Variants in KRTAP9-3 observed in about 807,000 individuals in gnomAD.
KRTAP9-3 encodes the protein keratin associated protein 9-3, also known as keratin-associated protein 9-3.
In KRTAP9-3, 12 loss-of-function variants were observed where a neutral mutation model predicts 13.0. That is an observed-to-expected ratio of 0.93 (90% CI 0.59 to 1.50). The LOEUF (loss-of-function observed/expected upper bound fraction) is 1.50, where lower values mean the gene tolerates loss of function less well. KRTAP9-3 is among the 40% of genes most tolerant of loss of function. The pLI, the probability that KRTAP9-3 is intolerant of heterozygous loss-of-function variation, is 0.00. For synonymous variants in KRTAP9-3, 89 were observed against 68.7 expected, an observed-to-expected ratio of 1.29 and a Z score of -1.46; for missense variants, 232 against 195.2, an observed-to-expected ratio of 1.19 and a Z score of -1.12.
In KRTAP9-3 at chr17:41,232,557, G is replaced by T. The variant is rs761699646; in HGVS notation, c.56G>T (p.Trp19Leu). The part of the protein sequence containing the change: ...CQPTCCRTTC[W>L]QPTTVTTCSS... ...CCTACCTGCTGCAGGACCACCTGCT[G>T]GCAGCCCACCACTGTGACCACCTGC... Residue 19 changes from tryptophan to leucine, a missense_variant, in exon 1 of 1, where the codon TGG becomes TTG. Trp to Leu is a moderately conservative substitution (Grantham distance 61, BLOSUM62 -2). Transcript: ENST00000411528. 1 of 1,603,520 alleles carries T rather than the reference G, an allele frequency of 6.2e-7. No homozygotes were observed. Among genetic ancestry groups the T allele is most frequent in the East Asian group, 2.2e-5 (1 of 44,816 alleles).
chr17:41,232,618 T>G lies in KRTAP9-3; in HGVS notation c.117T>G (p.Val39=), dbSNP rs551188052. 146 of 1,603,036 alleles carry G rather than the reference T, an allele frequency of 9.1e-5. No homozygotes were observed. Among genetic ancestry groups the G allele is most frequent in the Middle Eastern group, 5.1e-4 (3 of 5,868 alleles). Residue 39 remains valine (V), a synonymous_variant, in exon 1 of 1, where the codon GTT becomes GTG. Coordinates refer to ENST00000411528, the MANE Select transcript of KRTAP9-3 (RefSeq NM_031962.3). ...CCTGCTGTCAGCCCTCCTGCTGTGT[T>G]TCCAGCTGCTGCCAGCCTTGCTGCC... ...STPCCQPSCC[V]SSCCQPCCHP... is the part of the protein sequence containing the mutation.
rs762665689 is a variant in KRTAP9-3 at position 41,232,475 on chromosome 17, A to C, written c.-27A>C. The C allele has an allele frequency of 6.2e-7, 1 of 1,602,144 alleles. No homozygotes were observed. The highest frequency in any genetic ancestry group is 1.1e-5 in the South Asian group (1 of 90,612). ...GATTTTGGGAAACTCACCTCTTAAC[A>C]GAAGCCCACCCTCCATCCCTGACAC... On this transcript the variant is annotated 5_prime_UTR_variant, in exon 1 of 1. Transcript: ENST00000411528.
At position 41,232,795 on chromosome 17, in the gene KRTAP9-3, T is replaced by C; in HGVS notation, c.294T>C (p.Pro98=). Residue 98 remains proline, a synonymous_variant, in exon 1 of 1, where the codon CCT becomes CCC. Transcript: ENST00000411528. ...GTGGTCAGAGCAGCTCCTGTGCACC[T>C]GTGTACTGCAGAAGAACCTGCTACC... is the stretch of plus-strand genomic sequence containing the variant. ...SSCGQSSSCA[P]VYCRRTCYHP... is the part of the protein sequence containing the mutation. The C allele has an allele frequency of 6.2e-7, 1 of 1,608,162 alleles. No individual in the cohort carries two copies. Among genetic ancestry groups the C allele is most frequent in the South Asian group, 1.1e-5 (1 of 91,064 alleles).
At position 41,233,151 on chromosome 17, in the gene KRTAP9-3, T is replaced by C; in HGVS notation, c.*170T>C. 1 of 1,109,000 alleles carries C rather than the reference T, an allele frequency of 9.0e-7. No individual in the cohort carries two copies. The highest frequency in any genetic ancestry group is 1.5e-5 in the South Asian group (1 of 65,668). The allele number at this position is 1,109,000 out of a possible 1,614,324, so 68.7% of individuals were successfully genotyped here. A position where few individuals can be genotyped will look rare whatever the true frequency, so the allele number is the denominator to read the frequency against. On this transcript the variant is annotated 3_prime_UTR_variant, in exon 1 of 1. Coordinates refer to ENST00000411528, the MANE Select transcript of KRTAP9-3 (RefSeq NM_031962.3). ...GGAATCTGCTTGAGGGAGGGCAGAA[T>C]ACTTCATCCTCATTCCCTCTTTCCT...
Position 41,232,832 on chromosome 17 carries a change from G to A in KRTAP9-3, c.331G>A (p.Val111Ile). 6.2e-7 allele frequency: 1 copy of A among 1,607,808 alleles called. No homozygotes were observed. The highest frequency in any genetic ancestry group is 8.5e-7 in the Non-Finnish European group (1 of 1,179,944). ...CRRTCYHPTSVCLPGCLNQSC... is the reference protein window; with the variant it reads ...CRRTCYHPTSICLPGCLNQSC... ...AAGAACCTGCTACCACCCCACAAGT[G>A]TTTGTCTGCCTGGTTGCCTAAACCA... The change falls in exon 1 of 1, where the codon GTT (valine) becomes ATT (isoleucine). Residue 111 changes from valine (V) to isoleucine (I), a missense_variant. Physicochemically the swap from Val to Ile is conservative, Grantham distance 29. Transcript: ENST00000411528.
rs1164315421 is a variant in KRTAP9-3 at position 41,232,759 on chromosome 17, T to C, written c.258T>C (p.Cys86=). ...CSTPCCQPTC[C]GSSCGQSSSC... ...CACCCTGCTGCCAGCCCACATGCTG[T>C]GGGTCCAGCTGTGGTCAGAGCAGCT... Residue 86 remains cysteine, a synonymous_variant, in exon 1 of 1, where the codon TGT becomes TGC. Transcript: ENST00000411528. The C allele has an allele frequency of 1.9e-6, 3 of 1,606,914 alleles. No individual in the cohort carries two copies. The highest frequency in any genetic ancestry group is 2.5e-6 in the Non-Finnish European group (3 of 1,179,766).
Position 41,232,845 on chromosome 17 carries a change from G to T in KRTAP9-3, c.344G>T (p.Gly115Val), listed in dbSNP as rs762570663. Residue 115 changes from glycine (G) to valine (V), a missense_variant, in exon 1 of 1, where the codon GGT becomes GTT. By Grantham distance (109) the Gly-to-Val change is moderately radical (BLOSUM62 -3). Transcript: ENST00000411528. ...CACCCCACAAGTGTTTGTCTGCCTG[G>T]TTGCCTAAACCAGAGCTGTGGCTCC... ...CYHPTSVCLP[G>V]CLNQSCGSNC... 1.2e-6 allele frequency: 2 copies of T among 1,607,914 alleles called. No homozygotes were observed. The highest frequency in any genetic ancestry group is 1.7e-6 in the Non-Finnish European group (2 of 1,179,970).
Position 41,232,602 on chromosome 17 carries a change from A to C in KRTAP9-3, c.101A>C (p.Gln34Pro), listed in dbSNP as rs748737096. Residue 34 changes from glutamine (Q) to proline (P), a missense_variant, in exon 1 of 1, where the codon CAG becomes CCG. Physicochemically the swap from Gln to Pro is moderately conservative, Grantham distance 76. Coordinates refer to ENST00000411528, the MANE Select transcript of KRTAP9-3 (RefSeq NM_031962.3). ...VTTCSSTPCC[Q>P]PSCCVSSCCQ... Reference sequence around the variant, plus strand: ...ACCTGCAGCAGCACACCCTGCTGTCAGCCCTCCTGCTGTGTTTCCAGCTGC... The same window carrying C: ...ACCTGCAGCAGCACACCCTGCTGTCCGCCCTCCTGCTGTGTTTCCAGCTGC... 6.2e-7 allele frequency: 1 copy of C among 1,602,956 alleles called. No individual in the cohort carries two copies. Among genetic ancestry groups the C allele is most frequent in the Non-Finnish European group, 8.5e-7 (1 of 1,175,992 alleles).
In KRTAP9-3 at chr17:41,232,834, T is replaced by C. The variant is rs777197631; in HGVS notation, c.333T>C (p.Val111=). ...GAACCTGCTACCACCCCACAAGTGT[T>C]TGTCTGCCTGGTTGCCTAAACCAGA... The part of the protein sequence containing the change: ...CRRTCYHPTS[V]CLPGCLNQSC... Residue 111 remains valine (V), a synonymous_variant, in exon 1 of 1, where the codon GTT becomes GTC. Coordinates refer to ENST00000411528, the MANE Select transcript of KRTAP9-3 (RefSeq NM_031962.3). 166 of 1,607,000 alleles carry C rather than the reference T, an allele frequency of 1.0e-4. 5 individuals carry two copies. The highest frequency in any genetic ancestry group is 3.9e-4 in the African/African-American group (27 of 68,580).
In KRTAP9-3 at chr17:41,232,584, G is replaced by A. The variant is rs1244537935; in HGVS notation, c.83G>A (p.Ser28Asn). 3 of 1,604,018 alleles carry A rather than the reference G, an allele frequency of 1.9e-6. No homozygotes were observed. Among genetic ancestry groups the A allele is most frequent in the South Asian group, 2.2e-5 (2 of 90,962 alleles). The change falls in exon 1 of 1, where the codon AGC becomes AAC. Residue 28 changes from serine (S) to asparagine (N), a missense_variant. By Grantham distance (46) the Ser-to-Asn change is conservative. Transcript: ENST00000411528. The part of the protein sequence containing the change: ...CWQPTTVTTC[S>N]STPCCQPSCC... ...CAGCCCACCACTGTGACCACCTGCA[G>A]CAGCACACCCTGCTGTCAGCCCTCC...
In KRTAP9-3 at chr17:41,232,913, A is replaced by C; in HGVS notation, c.412A>C (p.Thr138Pro). The change falls in exon 1 of 1, where the codon ACC (threonine) becomes CCC (proline). Residue 138 changes from threonine to proline, a missense_variant. Transcript: ENST00000411528. The stretch of plus-strand genomic sequence containing the variant: ...CTGCCGCCCAGCCTGCTGTGAGACC[A>C]CCTGCTGCAGGACCACTTGTTTCCA... The part of the protein sequence containing the change: ...PCCRPACCET[T>P]CCRTTCFQPT... 6.2e-7 allele frequency: 1 copy of C among 1,608,460 alleles called. No homozygotes were observed. Among genetic ancestry groups the C allele is most frequent in the Non-Finnish European group, 8.5e-7 (1 of 1,179,942 alleles).
Position 41,232,685 on chromosome 17 carries a change from T to G in KRTAP9-3, c.184T>G (p.Cys62Gly), listed in dbSNP as rs2015875538. Residue 62 changes from cysteine (C) to glycine (G), a missense_variant, in exon 1 of 1, where the codon TGC (cysteine) becomes GGC (glycine). Physicochemically the swap from Cys to Gly is radical, Grantham distance 159. Coordinates refer to ENST00000411528, the MANE Select transcript of KRTAP9-3 (RefSeq NM_031962.3). ...CQNTCCRTTC[C>G]QPICVTSCCQ... ...AAACACCTGCTGTAGGACCACCTGC[T>G]GCCAGCCCATCTGTGTGACCAGCTG... The G allele has an allele frequency of 6.2e-7, 1 of 1,608,352 alleles. No individual in the cohort carries two copies. Among genetic ancestry groups the G allele is most frequent in the African/African-American group, 1.4e-5 (1 of 69,490 alleles).
chr17:41,232,567 C>A lies in KRTAP9-3; in HGVS notation c.66C>A (p.Thr22=), dbSNP rs377724113. ...GCAGGACCACCTGCTGGCAGCCCAC[C>A]ACTGTGACCACCTGCAGCAGCACAC... is the stretch of plus-strand genomic sequence containing the variant. ...TCCRTTCWQP[T]TVTTCSSTPC... is the part of the protein sequence containing the mutation. Residue 22 remains threonine (T), a synonymous_variant, in exon 1 of 1, where the codon ACC becomes ACA. Coordinates refer to ENST00000411528, the MANE Select transcript of KRTAP9-3 (RefSeq NM_031962.3). 3.7e-5 allele frequency: 59 copies of A among 1,603,560 alleles called. 1 individual carries two copies. The highest frequency in any genetic ancestry group is 4.8e-5 in the Non-Finnish European group (56 of 1,177,054).
In KRTAP9-3 at chr17:41,232,651, T is replaced by G. The variant is rs753395696; in HGVS notation, c.150T>G (p.Thr50=). The change falls in exon 1 of 1, where the codon ACT becomes ACG. Residue 50 remains threonine, a synonymous_variant. Coordinates refer to ENST00000411528, the MANE Select transcript of KRTAP9-3 (RefSeq NM_031962.3). ...GCTGCCAGCCTTGCTGCCACCCAAC[T>G]TGCTGTCAAAACACCTGCTGTAGGA... ...SSCCQPCCHP[T]CCQNTCCRTT... is the part of the protein sequence containing the mutation. The G allele has an allele frequency of 6.2e-7, 1 of 1,607,492 alleles. No individual in the cohort carries two copies.
In KRTAP9-3 at chr17:41,232,589, A is replaced by G. The variant is rs751987091; in HGVS notation, c.88A>G (p.Thr30Ala). 11 of 1,603,360 alleles carry G rather than the reference A, an allele frequency of 6.9e-6. 1 individual carries two copies. In the Admixed American group the frequency reaches 1.8e-4, roughly 27 times the overall value. ...CACCACTGTGACCACCTGCAGCAGC[A>G]CACCCTGCTGTCAGCCCTCCTGCTG... is the stretch of plus-strand genomic sequence containing the variant. Reference protein sequence around the residue: ...QPTTVTTCSSTPCCQPSCCVS... With the variant: ...QPTTVTTCSSAPCCQPSCCVS... Residue 30 changes from threonine to alanine, a missense_variant, in exon 1 of 1, where the codon ACA becomes GCA. Thr to Ala is a moderately conservative substitution (Grantham distance 58). Coordinates refer to ENST00000411528, the MANE Select transcript of KRTAP9-3 (RefSeq NM_031962.3).
In KRTAP9-3 at chr17:41,233,355, T is replaced by C. The variant is rs1376881080; in HGVS notation, c.*374T>C. The C allele has an allele frequency of 9.0e-6, 3 of 334,028 alleles. No individual in the cohort carries two copies. In the East Asian group the frequency reaches 2.0e-4, roughly 22 times the overall value. The allele number at this position is 334,028 out of a possible 1,614,324, so 20.7% of individuals were successfully genotyped here. On this transcript the variant is annotated 3_prime_UTR_variant, in exon 1 of 1. Coordinates refer to ENST00000411528, the MANE Select transcript of KRTAP9-3 (RefSeq NM_031962.3). ...AAATATCCTTCTCATGGTTCTTGTA[T>C]CCTTCTTTCTTCTTTTCACGATAAC...
Position 41,232,689 on chromosome 17 carries a change from A to G in KRTAP9-3, c.188A>G (p.Gln63Arg). Residue 63 changes from glutamine (Q) to arginine (R), a missense_variant, in exon 1 of 1, where the codon CAG (glutamine) becomes CGG (arginine). By Grantham distance (43) the Gln-to-Arg change is conservative. Transcript: ENST00000411528. ...QNTCCRTTCCQPICVTSCCQP... is the reference protein window; with the variant it reads ...QNTCCRTTCCRPICVTSCCQP... Reference sequence around the variant, plus strand: ...ACCTGCTGTAGGACCACCTGCTGCCAGCCCATCTGTGTGACCAGCTGCTGC... The same window carrying G: ...ACCTGCTGTAGGACCACCTGCTGCCGGCCCATCTGTGTGACCAGCTGCTGC... 1 of 1,608,200 alleles carries G rather than the reference A, an allele frequency of 6.2e-7. No individual in the cohort carries two copies. Among genetic ancestry groups the G allele is most frequent in the Middle Eastern group, 1.7e-4 (1 of 6,054 alleles).
rs1408493169 is a variant in KRTAP9-3 at position 41,232,507 on chromosome 17, C to A, written c.6C>A (p.Thr2=). 1 of 1,605,930 alleles carries A rather than the reference C, an allele frequency of 6.2e-7. No individual in the cohort carries two copies. M[T]HCCSPCCQPT... ...CACCCTCCATCCCTGACACCATGAC[C>A]CACTGTTGCTCCCCTTGCTGTCAGC... The change falls in exon 1 of 1, where the codon ACC becomes ACA. Residue 2 remains threonine (T), a synonymous_variant. Transcript: ENST00000411528.
Position 41,232,480 on chromosome 17 carries a change from C to A in KRTAP9-3, c.-22C>A. 6.2e-7 allele frequency: 1 copy of A among 1,602,890 alleles called. No individual in the cohort carries two copies. The highest frequency in any genetic ancestry group is 8.5e-7 in the Non-Finnish European group (1 of 1,177,638). On this transcript the variant is annotated 5_prime_UTR_variant, in exon 1 of 1. Transcript: ENST00000411528. ...TGGGAAACTCACCTCTTAACAGAAG[C>A]CCACCCTCCATCCCTGACACCATGA... is the stretch of plus-strand genomic sequence containing the variant.
Sources: gnomAD v4.1 joint callset for allele counts on GRCh38, gnomAD v4.1.1 for gene constraint, MANE v1.5 for transcripts, NCBI Gene and HGNC (gene_info 2026-07-23, HGNC 2026-07-21) for gene names.